The following SYNPR variants were observed in gnomAD, a reference collection of about 807,000 sequenced individuals.
SYNPR encodes the protein synaptoporin.
In SYNPR, 23 loss-of-function variants were observed where a neutral mutation model predicts 32.9. The ratio of observed to expected loss-of-function variants is 0.70; its 90% confidence interval spans 0.50 to 0.99. The LOEUF (loss-of-function observed/expected upper bound fraction) is 0.99. Among genes scored for constraint, SYNPR ranks in the 50% least tolerant of loss-of-function variants. The pLI is 0.00. For synonymous variants in SYNPR, 146 were observed against 135.9 expected, an observed-to-expected ratio of 1.07 and a Z score of -0.52; for missense variants, 318 against 349.3, an observed-to-expected ratio of 0.91 and a Z score of 0.71.
At chr3:63,537,689 A>G (rs1187759619) in intron 3 of SYNPR, among the ~76,000 whole-genome samples, 1 of 152,174 alleles carries the variant, frequency 6.6e-6, no homozygotes, top group Non-Finnish European at 1.5e-5. Flanking sequence ...TATTCTAATC[A>G]CAGAAAGTGT....
chr3:63,513,677 G>C (rs191248812), intron 3 of SYNPR, among the ~76,000 whole-genome samples: 1 of 152,146 alleles, frequency 6.6e-6, no homozygotes, highest in African/African-American at 2.4e-5. Flanking sequence ...GGGTTGAATT[G>C]TGCCTCCCAA....
At chr3:63,430,361 TACACACACACACAC>T (rs3083163) in intron 2 of SYNPR, among the ~76,000 whole-genome samples, 32,341 of 148,358 alleles carry the variant, frequency 0.22, 3,939 homozygotes, top group East Asian at 0.33. Flanking sequence ...ACACTGAGAA[TACACACACACACAC>T]ACACACACAC....
At chr3:63,446,924 G>A (rs1188041607) in intron 2 of SYNPR, among the ~76,000 whole-genome samples, 1 of 152,152 alleles carries the variant, frequency 6.6e-6, no homozygotes, top group Admixed American at 6.5e-5. Context: ...AAAGTTCAGA[G>A]TGCAGTACAC....
At chr3:63,403,719 G>A (rs1303118441) in intron 2 of SYNPR, among the ~76,000 whole-genome samples, 1 of 152,174 alleles carries the variant, frequency 6.6e-6, no homozygotes, top group Non-Finnish European at 1.5e-5. Flanking sequence ...CATAGTCAAA[G>A]CCACAGAGGT....
At chr3:63,266,332 A>T (rs1442346340) in intron 2 of SYNPR, among the ~76,000 whole-genome samples, 1 of 152,142 alleles carries the variant, frequency 6.6e-6, no homozygotes, top group Non-Finnish European at 1.5e-5. Context: ...CAAATGTTGA[A>T]AACTCAGGTG....
intron 4 of SYNPR, among the ~76,000 whole-genome samples, chr3:63,589,174 A>G (rs1471127271): frequency 6.6e-6 from 1 of 152,104 alleles, no homozygotes; most frequent in Non-Finnish European, 1.5e-5. Flanking sequence ...CTGCTTTGAG[A>G]ACCATCCAAG....
intron 2 of SYNPR, among the ~76,000 whole-genome samples, chr3:63,402,282 T>C (rs921167483): frequency 6.6e-6 from 1 of 152,030 alleles, no homozygotes; most frequent in African/African-American, 2.4e-5. Flanking sequence ...GTGGTGACCA[T>C]CAGAAATGTC....
chr3:63,359,138 C>T (rs1022105151), intron 2 of SYNPR, among the ~76,000 whole-genome samples: 1 of 152,048 alleles, frequency 6.6e-6, no homozygotes, highest in Non-Finnish European at 1.5e-5. Flanking sequence ...CTGTGCTGGG[C>T]TCTGGGGAGC....
chr3:63,442,169 G>T (rs969032205), intron 2 of SYNPR, among the ~76,000 whole-genome samples: 12 of 147,926 alleles, frequency 8.1e-5, no homozygotes, highest in Non-Finnish European at 1.5e-4. Flanking sequence ...GTGATAGTGT[G>T]TGTGTGTGTG....
Position 63,609,226 on chromosome 3 carries a change from A to G in SYNPR, c.510A>G (p.Glu170=). 6.2e-7 allele frequency: 1 copy of G among 1,609,238 alleles called. No individual in the cohort carries two copies. The highest frequency in any genetic ancestry group is 1.7e-5 in the Admixed American group (1 of 59,318). ...SDVKVATDPK[E]VLLLMSACKQ... ...TCAAAGTTGCAACGGATCCCAAGGAAGTATTGCTACTAATGTCAGCTTGCA... is the reference window on the plus strand; with the variant it reads ...TCAAAGTTGCAACGGATCCCAAGGAGGTATTGCTACTAATGTCAGCTTGCA... Residue 170 remains glutamate, a synonymous_variant, in exon 5 of 6, where the codon GAA becomes GAG. Coordinates refer to ENST00000478300, the MANE Select transcript of SYNPR (RefSeq NM_001130003.2).
chr3:63,458,710 T>C (rs1224679806), intron 2 of SYNPR, among the ~76,000 whole-genome samples: 2 of 152,110 alleles, frequency 1.3e-5, no homozygotes, highest in African/African-American at 2.4e-5. Context: ...CAATTATTTT[T>C]ACAATCTGTC....
chr3:63,608,515 C>T (rs761427089), intron 4 of SYNPR, among the ~76,000 whole-genome samples: 1 of 152,202 alleles, frequency 6.6e-6, no homozygotes, highest in Non-Finnish European at 1.5e-5. Flanking sequence ...TTGTCTTCCA[C>T]ATAACATAGT....
At chr3:63,232,089 G>A (rs1354250936) in intron 1 of SYNPR, among the ~76,000 whole-genome samples, 1 of 151,072 alleles carries the variant, frequency 6.6e-6, no homozygotes, top group East Asian at 1.9e-4. Flanking sequence ...GAGATATGAG[G>A]TACTTCATCT....
the SYNPR span, among the ~76,000 whole-genome samples, chr3:63,200,666 G>A: frequency 6.6e-6 from 1 of 152,020 alleles, no homozygotes; most frequent in African/African-American, 2.4e-5. Context: ...TACATGGTGA[G>A]ATCATGATAT....
At chr3:63,520,434 G>A (rs966514888) in intron 3 of SYNPR, among the ~76,000 whole-genome samples, 1 of 152,140 alleles carries the variant, frequency 6.6e-6, no homozygotes, top group Non-Finnish European at 1.5e-5. Context: ...CAGCACTTTG[G>A]GAGGCTGAGG....
intron 2 of SYNPR, chr3:63,452,263 C>T (rs1160773782): frequency 1.9e-6 from 1 of 528,104 alleles, no homozygotes; most frequent in African/African-American, 1.9e-5. Flanking sequence ...TCACGTAAGA[C>T]TTGCAATCTA....
intron 2 of SYNPR, among the ~76,000 whole-genome samples, chr3:63,397,591 C>T (rs1201330109): frequency 6.6e-6 from 1 of 152,180 alleles, no homozygotes; most frequent in Non-Finnish European, 1.5e-5. Flanking sequence ...TTCCTGAGGT[C>T]TTACTCGCTC....
At chr3:63,374,104 A>G (rs942179533) in intron 2 of SYNPR, among the ~76,000 whole-genome samples, 3 of 152,216 alleles carry the variant, frequency 2.0e-5, no homozygotes, top group Non-Finnish European at 4.4e-5. Flanking sequence ...GGAAAGGCCA[A>G]TACCAGCCAC....
At chr3:63,535,664 G>A (rs1413076344) in intron 3 of SYNPR, among the ~76,000 whole-genome samples, 5 of 148,038 alleles carry the variant, frequency 3.4e-5, no homozygotes, top group African/African-American at 1.2e-4. Flanking sequence ...AAGAGTACAA[G>A]GCATATTAAT....
Sources: gnomAD v4.1 joint callset for allele counts (sites outside exome capture counted in the v4.1 genomes callset) on GRCh38, gnomAD v4.1.1 for gene constraint, MANE v1.5 for transcripts, NCBI Gene and HGNC (gene_info 2026-07-23, HGNC 2026-07-21) for gene names.